Variants in AFMID observed in about 807,000 individuals in gnomAD.
AFMID encodes kynurenine formamidase.
AFMID carries 39 observed loss-of-function variants against 47.5 expected under a neutral mutation model. The observed-to-expected ratio is 0.82, with a 90% CI of 0.64 to 1.07. The LOEUF is 1.07. Ranked by LOEUF, AFMID falls within the 50% of genes least tolerant of loss-of-function variation. The pLI, the probability that AFMID is intolerant of heterozygous loss-of-function variation, is 0.00. For missense variants in AFMID, 375 were observed against 387.5 expected (o/e 0.97, Z 0.27); for synonymous variants, 130 against 153.2 (o/e 0.85, Z 1.12).
chr17:78,202,929 G>A, intron 4 of AFMID, 178 bp downstream of exon 4: 3 of 745,316 alleles, frequency 4.0e-6, no homozygotes, highest in South Asian at 1.8e-5. Flanking sequence ...TCCTAGGGAG[G>A]GTCCTTCCTG....
intron 2 of AFMID, among the ~76,000 whole-genome samples, chr17:78,201,401 A>T (rs568403644): frequency 1.3e-5 from 2 of 152,036 alleles, no homozygotes; most frequent in South Asian, 4.2e-4. Flanking sequence ...TGGATGGATC[A>T]TCTGAGGTTG....
chr17:78,206,065 C>A lies in AFMID; in HGVS notation c.885+15C>A. On this transcript the variant is annotated intron_variant, in intron 10 of 10. Transcript: ENST00000409257. The stretch of plus-strand genomic sequence containing the variant: ...TGCTCACCCAGGTGGGGCCTCATCC[C>A]TGGCAGCCCTTTCATGGTAGACAGC... 6.2e-7 allele frequency: 1 copy of A among 1,610,922 alleles called. No individual in the cohort carries two copies. Among genetic ancestry groups the A allele is most frequent in the South Asian group, 1.1e-5 (1 of 90,966 alleles).
At position 78,191,136 on chromosome 17, in the gene AFMID, G is replaced by C. The variant is rs184392393; in HGVS notation, c.154+76G>C. On this transcript the variant is annotated intron_variant, in intron 2 of 10. Transcript: ENST00000409257. The stretch of plus-strand genomic sequence containing the variant: ...CAGTGATTCAGAATGCTGGGGGTTG[G>C]GGGGGCTGTGCTGCACCACCTGGGC... 51 of 1,345,420 alleles carry C rather than the reference G, an allele frequency of 3.8e-5. No individual in the cohort carries two copies. The East Asian group carries it at 8.8e-4, about 23-fold the overall frequency. The allele number at this position is 1,345,420 out of a possible 1,614,324, so 83.3% of individuals were successfully genotyped here.
rs147845056 is a variant in AFMID, at chr17:78,204,685, C to T, written c.338C>T (p.Pro113Leu). 7.4e-6 allele frequency: 12 copies of T among 1,614,146 alleles called. No individual in the cohort carries two copies. The highest frequency in any genetic ancestry group is 4.5e-5 in the East Asian group (2 of 44,882). The change falls in exon 5 of 11, where the codon CCG becomes CTG. Residue 113 changes from proline (P) to leucine (L), a missense_variant. Transcript: ENST00000409257. ...SKDESAFMVHPLTAQGVAVVI... is the reference protein window; with the variant it reads ...SKDESAFMVHLLTAQGVAVVI... ...GATGAGTCTGCCTTCATGGTCCACC[C>T]GCTGACGGCACAGGGAGTGGCCGTG...
intron 4 of AFMID, among the ~76,000 whole-genome samples, chr17:78,204,417 G>A (rs2076322454): frequency 1.3e-5 from 2 of 152,208 alleles, no homozygotes; most frequent in African/African-American, 4.8e-5. Context: ...TCCAGCCTGG[G>A]CGACAGAGCG....
intron 2 of AFMID, among the ~76,000 whole-genome samples, chr17:78,192,092 G>A (rs1451537854): frequency 1.3e-5 from 2 of 151,430 alleles, no homozygotes; most frequent in Non-Finnish European, 2.9e-5. Flanking sequence ...TTCGCCTCCT[G>A]AGTTCAAGTG....
rs1239603222 is a variant in AFMID, at chr17:78,188,753, T to C, written c.63+1320T>C. On this transcript the variant is annotated intron_variant, in intron 1 of 10. Transcript: ENST00000409257. ...CTGGGACTACATGCGCCCGCAACCA[T>C]GCCCGGCTAATTTTTTTGTATTTTT... Among the ~76,000 whole-genome samples the C allele has an allele frequency of 4.6e-5, 7 of 152,136 alleles. No individual in the cohort carries two copies. In the East Asian group the frequency reaches 9.6e-4, roughly 21 times the overall value.
rs769244164 is a variant in AFMID, at chr17:78,206,947, T to C, written c.*10T>C. On this transcript the variant is annotated 3_prime_UTR_variant, in exon 11 of 11. Coordinates refer to ENST00000409257, the MANE Select transcript of AFMID (RefSeq NM_001010982.5). ...AACAATCTTCCAGTAGTTCTGACGA[T>C]ACTTGGAGCCTGGTCCACGTGCATC... The C allele has an allele frequency of 1.2e-6, 2 of 1,614,056 alleles. No homozygotes were observed. The highest frequency in any genetic ancestry group is 1.1e-5 in the South Asian group (1 of 91,076).
In AFMID at chr17:78,204,875, G is replaced by A. The variant is rs776692587; in HGVS notation, c.442G>A (p.Val148Ile). 3 of 1,614,224 alleles carry A rather than the reference G, an allele frequency of 1.9e-6. No individual in the cohort carries two copies. The highest frequency in any genetic ancestry group is 2.2e-5 in the East Asian group (1 of 44,878). The change falls in exon 6 of 11, where the codon GTC (valine) becomes ATC (isoleucine). Residue 148 changes from valine to isoleucine, a missense_variant. Physicochemically the swap from Val to Ile is conservative, Grantham distance 29 (BLOSUM62 3). Transcript: ENST00000409257. ...VDQVTRSVAF[V>I]QKRYPSNKGI... is the part of the protein sequence containing the mutation. ...CCAGGTGACCCGCAGCGTTGCGTTT[G>A]TCCAGAAGCGGTATCCAAGCAACAA...
intron 9 of AFMID, 58 bp downstream of exon 9, chr17:78,205,796 CCT>C (rs771451059): frequency 1.9e-6 from 3 of 1,601,418 alleles, no homozygotes; most frequent in South Asian, 1.1e-5. Flanking sequence ...TCATTATTTT[CCT>C]CTTTCTTTTA....
In AFMID at chr17:78,207,273, C is replaced by CTTTTTTTTTTTTTTTTTT. The variant is rs1163959276; in HGVS notation, c.*347_*364dup. The stretch of plus-strand genomic sequence containing the variant: ...ACGCTCAAAAGTAATGCCATTACTT[C>CTTTTTTTTTTTTTTTTTT]TTTTTTTTTTTTTTTTTTTTTTTTT... On this transcript the variant is annotated 3_prime_UTR_variant, in exon 11 of 11. Coordinates refer to ENST00000409257, the MANE Select transcript of AFMID (RefSeq NM_001010982.5). 3 of 83,786 alleles carry CTTTTTTTTTTTTTTTTTT rather than the reference C, an allele frequency of 3.6e-5. 1 individual carries two copies. The highest frequency in any genetic ancestry group is 1.1e-3 in the East Asian group (2 of 1,846). The allele number at this position is 83,786 out of a possible 1,614,324, so 5.2% of individuals were successfully genotyped here. A position where few individuals can be genotyped will look rare whatever the true frequency, so the allele number is the denominator to read the frequency against.
intron 2 of AFMID, among the ~76,000 whole-genome samples, chr17:78,199,659 C>T (rs572615269): frequency 2.3e-5 from 3 of 131,242 alleles, no homozygotes; most frequent in African/African-American, 3.4e-5. Flanking sequence ...AGGTGTGCGC[C>T]GCCGCGCCCG....
intron 10 of AFMID, 76 bp downstream of exon 10, chr17:78,206,126 A>C: frequency 7.7e-7 from 1 of 1,298,464 alleles, no homozygotes; most frequent in Non-Finnish European, 1.1e-6. Flanking sequence ...TGTGCAAACC[A>C]GGAGTTCAAG....
At chr17:78,187,468 G>A in intron 1 of AFMID, 35 bp downstream of exon 1, 1 of 1,611,344 alleles carries the variant, frequency 6.2e-7, no homozygotes, top group Non-Finnish European at 8.5e-7. Flanking sequence ...AAGGGGCTGG[G>A]GCGGAGTTAG....
Position 78,196,983 on chromosome 17 carries a change from T to A in AFMID, c.155-5516T>A, listed in dbSNP as rs1321544810. 3.3e-5 allele frequency among the ~76,000 whole-genome samples: 5 copies of A among 152,182 alleles called. 1 individual carries two copies. The highest frequency in any genetic ancestry group is 7.3e-5 in the Non-Finnish European group (5 of 68,032). On this transcript the variant is annotated intron_variant, in intron 2 of 10. Coordinates refer to ENST00000409257, the MANE Select transcript of AFMID (RefSeq NM_001010982.5). ...CTGTCCTCTCCTAGAGAGAGGCAAT[T>A]TCTCTTTCCCGAGGTTAGTAGAGTT...
At chr17:78,201,031 C>A (rs1378182503) in intron 2 of AFMID, among the ~76,000 whole-genome samples, 1 of 151,918 alleles carries the variant, frequency 6.6e-6, no homozygotes, top group African/African-American at 2.4e-5. Context: ...GAATCTCGCT[C>A]TGTCACCCAA....
chr17:78,206,910 G>C lies in AFMID; in HGVS notation c.886-1G>C. ...TTTTGTGTCTTCTCTTCCTGTTCCA[G>C]ATTATCTTGAAAACAATCTTCCAGT... On this transcript the variant is annotated splice_acceptor_variant, in intron 10 of 10. Transcript: ENST00000409257. LOFTEE classifies it high-confidence loss of function. 1 of 1,614,006 alleles carries C rather than the reference G, an allele frequency of 6.2e-7. No individual in the cohort carries two copies. Among genetic ancestry groups the C allele is most frequent in the Non-Finnish European group, 8.5e-7 (1 of 1,179,980 alleles).
chr17:78,187,960 C>CAAAAAAAAAAAAAAAAAAAAAAAAAAAAA (rs34018698), intron 1 of AFMID, among the ~76,000 whole-genome samples: 2 of 56,662 alleles, frequency 3.5e-5, no homozygotes, highest in African/African-American at 1.5e-4. Context: ...GACTTAGTCT[C>CAAAAAAAAAAAAAAAAAAAAAAAAAAAAA]AAAAAAAAAA....
chr17:78,201,148 C>T (rs1410089642), intron 2 of AFMID, among the ~76,000 whole-genome samples: 1 of 151,806 alleles, frequency 6.6e-6, no homozygotes, highest in Non-Finnish European at 1.5e-5. Flanking sequence ...AGGTGTCCAC[C>T]ACCACGTCCA....
Sources: gnomAD v4.1 joint callset for allele counts (sites outside exome capture counted in the v4.1 genomes callset) on GRCh38, gnomAD v4.1.1 for gene constraint, MANE v1.5 for transcripts, NCBI Gene and HGNC (gene_info 2026-07-23, HGNC 2026-07-21) for gene names.